The following PRH1 variants were observed in gnomAD, a reference collection of about 807,000 sequenced individuals.
PRH1 encodes the protein salivary acidic proline-rich phosphoprotein 1/2.
A neutral mutation model predicts 7.9 loss-of-function variants in PRH1; 7 were observed. The ratio of observed to expected loss-of-function variants is 0.89; its 90% confidence interval spans 0.50 to 1.67. The LOEUF (loss-of-function observed/expected upper bound fraction) is 1.67, where lower values mean the gene tolerates loss of function less well. PRH1 is among the 40% of genes most tolerant of loss of function. PRH1 has a pLI of 0.00. For missense variants in PRH1, 109 were observed against 223.6 expected, an observed-to-expected ratio of 0.49 and a Z score of 3.27; for synonymous variants, 45 against 80.8, an observed-to-expected ratio of 0.56 and a Z score of 2.38.
chr12:11,090,834 T>C lies in PRH1; in HGVS notation n.124-43646A>G, dbSNP rs1284378764. ...TCCAATAAATTTGAGGTTCAAGCAA[T>C]GAATTCTAAGCACAATGTGGTATAT... On this transcript the variant is annotated intron_variant and non_coding_transcript_variant, in intron 1 of 4. Coordinates refer to the PRH1 transcript ENST00000541977. Among the ~76,000 whole-genome samples the C allele has an allele frequency of 1.3e-4, 15 of 114,230 alleles. 4 individuals carry two copies. Among genetic ancestry groups the C allele is most frequent in the African/African-American group, 4.4e-4 (15 of 34,266 alleles). The allele number at this position is 114,230 out of a possible 152,430, so 74.9% of individuals were successfully genotyped here. A position where few individuals can be genotyped will look rare whatever the true frequency, so the allele number is the denominator to read the frequency against.
At chr12:10,940,349 T>C (rs1950378922) in intron 2 of PRH1, among the ~76,000 whole-genome samples, 1 of 152,220 alleles carries the variant, frequency 6.6e-6, no homozygotes, top group African/African-American at 2.4e-5. Context: ...ACTGTGATAG[T>C]TTTAAACACA....
At chr12:11,053,921 A>T (rs1331128623) in intron 1 of PRH1, among the ~76,000 whole-genome samples, 1 of 152,116 alleles carries the variant, frequency 6.6e-6, no homozygotes, top group Non-Finnish European at 1.5e-5. Flanking sequence ...CCAAGGTTCA[A>T]TTGATTCTCC....
At chr12:11,101,243 T>C (rs891968754) in intron 1 of PRH1, among the ~76,000 whole-genome samples, 3 of 152,188 alleles carry the variant, frequency 2.0e-5, no homozygotes, top group African/African-American at 7.2e-5. Context: ...AATCCCATCA[T>C]TTGGGAGGCT....
Position 11,168,215 on chromosome 12 carries a change from A to AAG in PRH1, n.39+3206_39+3207insCT, listed in dbSNP as rs199596268. ...TGGCAAAAAACGAAAGAAAGAAAGA[A>AAG]GAAAGAAAGAAAGAAAGAAAGAAAG... is the stretch of plus-strand genomic sequence containing the variant. On this transcript the variant is annotated intron_variant and non_coding_transcript_variant, in intron 1 of 1. Transcript: ENST00000541175. Among the ~76,000 whole-genome samples, 13 of 5,222 alleles carry AAG rather than the reference A, an allele frequency of 2.5e-3. 1 individual carries two copies. The highest frequency in any genetic ancestry group is 9.6e-3 in the Admixed American group (3 of 314). The allele number at this position is 5,222 out of a possible 152,430, so 3.4% of individuals were successfully genotyped here.
intron 1 of PRH1, among the ~76,000 whole-genome samples, chr12:11,126,530 G>A (rs935609495): frequency 6.6e-6 from 1 of 152,130 alleles, no homozygotes; most frequent in African/African-American, 2.4e-5. Context: ...ATCACCCATG[G>A]ACATTTGACA....
chr12:11,090,236 A>G (rs1944834549), intron 1 of PRH1, among the ~76,000 whole-genome samples: 1 of 116,212 alleles, frequency 8.6e-6, no homozygotes, highest in Admixed American at 8.6e-5. Flanking sequence ...TAGGGTTCAC[A>G]GATACTATTT....
intron 1 of PRH1, among the ~76,000 whole-genome samples, chr12:11,103,885 G>A (rs764584196): frequency 1.3e-5 from 2 of 152,040 alleles, no homozygotes; most frequent in Non-Finnish European, 2.9e-5. Flanking sequence ...TTGGTGTTAA[G>A]TCATTGTGAG....
At chr12:11,006,836 A>T (rs575140581) in intron 1 of PRH1, among the ~76,000 whole-genome samples, 19 of 152,160 alleles carry the variant, frequency 1.2e-4, no homozygotes, top group African/African-American at 4.3e-4. Flanking sequence ...TTTATGGAAA[A>T]TTTTCTTATT....
chr12:11,125,377 G>T (rs13303166), intron 1 of PRH1, among the ~76,000 whole-genome samples: 20,270 of 141,488 alleles, frequency 0.14, no homozygotes, highest in East Asian at 0.37. Context: ...CAATTATAGA[G>T]TGAATAAGCT....
intron 1 of PRH1, among the ~76,000 whole-genome samples, chr12:11,005,124 C>T (rs1940767634): frequency 6.6e-6 from 1 of 152,090 alleles, no homozygotes; most frequent in Non-Finnish European, 1.5e-5. Context: ...CAGGAAAGCA[C>T]CAGGGCATGC....
intron 1 of PRH1, among the ~76,000 whole-genome samples, chr12:11,037,852 C>A (rs1942504934): frequency 6.6e-6 from 1 of 152,160 alleles, no homozygotes. Context: ...CCAGCCTGGG[C>A]AACATGGCAA....
intron 1 of PRH1, among the ~76,000 whole-genome samples, chr12:11,104,202 AAG>A (rs1311902675): frequency 1.3e-5 from 2 of 151,176 alleles, no homozygotes; most frequent in African/African-American, 4.8e-5. Flanking sequence ...AAAAAAAAAA[AAG>A]GAAGAAAATA....
intron 1 of PRH1, among the ~76,000 whole-genome samples, chr12:11,131,749 C>T (rs1458464090): frequency 6.6e-6 from 1 of 152,168 alleles, no homozygotes; most frequent in East Asian, 1.9e-4. Flanking sequence ...AACTTTTCCT[C>T]TGAGGAAGGA....
intron 1 of PRH1, among the ~76,000 whole-genome samples, chr12:11,083,150 T>C (rs1488374954): frequency 1.7e-5 from 2 of 117,702 alleles, no homozygotes; most frequent in Admixed American, 8.5e-5. Context: ...AATTGTCATG[T>C]ATATTTAATG....
intron 2 of PRH1, among the ~76,000 whole-genome samples, chr12:10,940,385 T>C (rs1176433254): frequency 6.6e-6 from 1 of 152,224 alleles, no homozygotes; most frequent in Non-Finnish European, 1.5e-5. Context: ...AAGTTTATAT[T>C]AAATAGTAAT....
intron 2 of PRH1, among the ~76,000 whole-genome samples, chr12:10,893,694 T>C (rs1476653841): frequency 1.3e-5 from 2 of 152,194 alleles, no homozygotes; most frequent in Non-Finnish European, 2.9e-5. Context: ...TTTTCTAGGG[T>C]TTACTTTTTG....
chr12:11,007,811 C>T (rs1031968291), intron 1 of PRH1, among the ~76,000 whole-genome samples: 3 of 152,058 alleles, frequency 2.0e-5, no homozygotes, highest in Non-Finnish European at 4.4e-5. Flanking sequence ...CAGATGTAGC[C>T]TAAATTGGCC....
chr12:10,959,900 C>G (rs114830989), intron 2 of PRH1, among the ~76,000 whole-genome samples: 6 of 152,086 alleles, frequency 3.9e-5, no homozygotes, highest in Non-Finnish European at 5.9e-5. Context: ...AGTTTAGAGG[C>G]AAGAGAAAGA....
At chr12:11,006,673 AAC>A (rs1940849059) in intron 1 of PRH1, among the ~76,000 whole-genome samples, 1 of 152,126 alleles carries the variant, frequency 6.6e-6, no homozygotes, top group South Asian at 2.1e-4. Context: ...CAGGCCTAAT[AAC>A]ACAGATTGTG....
Sources: allele counts gnomAD v4.1 joint callset (sites outside exome capture counted in the v4.1 genomes callset), GRCh38; gene constraint gnomAD v4.1.1; transcripts MANE v1.5; gene names NCBI Gene and HGNC (gene_info 2026-07-23, HGNC 2026-07-21).